Variants in NEBL observed in about 807,000 individuals in gnomAD.
NEBL encodes the protein LIM and SH3 protein 2.
In NEBL, 122 loss-of-function variants were observed where a neutral mutation model predicts 140.2. That is an observed-to-expected ratio of 0.87 (90% CI 0.75 to 1.01). NEBL has a LOEUF of 1.01. Ranked by LOEUF, NEBL falls within the 50% of genes least tolerant of loss-of-function variation. NEBL has a pLI of 0.00. For synonymous variants in NEBL, 436 were observed against 398.9 expected, an observed-to-expected ratio of 1.09 and a Z score of -1.11; for missense variants, 1,365 against 1,231.3, an observed-to-expected ratio of 1.11 and a Z score of -1.62.
At position 21,215,194 on chromosome 10, in the gene NEBL, C is replaced by T. The variant is rs527836667; in HGVS notation, n.348+32727G>A. Among the ~76,000 whole-genome samples, 20 of 152,326 alleles carry T rather than the reference C, an allele frequency of 1.3e-4. No individual in the cohort carries two copies. In the South Asian group the frequency reaches 2.3e-3, roughly 17 times the overall value. On this transcript the variant is annotated intron_variant and non_coding_transcript_variant, in intron 3 of 8. Transcript: ENST00000675702. The stretch of plus-strand genomic sequence containing the variant: ...ATGTGGTGGCACGCACCTGCAGTCC[C>T]AGCTACTCAGGAGGTAGGGCAGGAG...
chr10:21,120,407 T>TAC (rs1564518089), intron 2 of NEBL, among the ~76,000 whole-genome samples: 1 of 124,526 alleles, frequency 8.0e-6, no homozygotes, highest in Non-Finnish European at 1.6e-5. Flanking sequence ...TATATATATA[T>TAC]ATATATATAT....
At chr10:21,239,947 C>A (rs1842416435) in intron 3 of NEBL, among the ~76,000 whole-genome samples, 1 of 151,088 alleles carries the variant, frequency 6.6e-6, no homozygotes, top group African/African-American at 2.4e-5. Context: ...ACCCGGGAGG[C>A]AGAGCTTGCA....
intron 4 of NEBL, among the ~76,000 whole-genome samples, chr10:20,881,316 T>C (rs752009962): frequency 2.0e-5 from 3 of 152,244 alleles, no homozygotes; most frequent in Admixed American, 6.5e-5. Flanking sequence ...TGATTTTATG[T>C]AGGCACAGCT....
chr10:20,782,844 T>C lies in NEBL; in HGVS notation c.*2903A>G, dbSNP rs1229514307. 6.6e-6 allele frequency: 1 copy of C among 152,632 alleles called. No homozygotes were observed. Among genetic ancestry groups the C allele is most frequent in the East Asian group, 1.9e-4 (1 of 5,198 alleles). 9.5% of individuals were successfully genotyped at this position (152,632 alleles called of 1,614,324 possible). A position where few individuals can be genotyped will look rare whatever the true frequency, so the allele number is the denominator to read the frequency against. ...AAGCTTTCTAGAGAACAAGAATTAT[T>C]AGTAAAAACATGTACTACAAAAGCT... On this transcript the variant is annotated 3_prime_UTR_variant, in exon 28 of 28. Coordinates refer to ENST00000377122, the MANE Select transcript of NEBL (RefSeq NM_006393.3).
At chr10:21,226,676 C>G (rs970622822) in intron 3 of NEBL, among the ~76,000 whole-genome samples, 1 of 152,112 alleles carries the variant, frequency 6.6e-6, no homozygotes, top group Admixed American at 6.5e-5. Flanking sequence ...ATACCAAATC[C>G]CACAATCACT....
At chr10:21,120,391 T>TAC (rs1391120887) in intron 2 of NEBL, among the ~76,000 whole-genome samples, 1 of 95,718 alleles carries the variant, frequency 1.0e-5, no homozygotes, top group Non-Finnish European at 2.0e-5. Context: ...AAAAAAAAAA[T>TAC]ACATATATAT....
intron 4 of NEBL, among the ~76,000 whole-genome samples, chr10:20,903,192 A>G (rs1051791494): frequency 2.6e-5 from 4 of 152,220 alleles, no homozygotes; most frequent in Non-Finnish European, 4.4e-5. Flanking sequence ...TTTAATTTAT[A>G]AACTAGGATA....
At chr10:20,807,472 T>A (rs1463963611) in intron 26 of NEBL, among the ~76,000 whole-genome samples, 1 of 152,226 alleles carries the variant, frequency 6.6e-6, no homozygotes, top group Non-Finnish European at 1.5e-5. Flanking sequence ...TTTAATAAAT[T>A]TCTACCAAAA....
intron 2 of NEBL, among the ~76,000 whole-genome samples, chr10:21,150,709 C>T (rs1010739326): frequency 5.9e-5 from 9 of 152,320 alleles, no homozygotes; most frequent in East Asian, 1.9e-4. Context: ...ATTCTTTGCA[C>T]ACCTTCTGTA....
At chr10:20,803,812 A>AAAAAATATAT (rs1554773359) in intron 26 of NEBL, among the ~76,000 whole-genome samples, 10 of 143,562 alleles carry the variant, frequency 7.0e-5, no homozygotes, top group Non-Finnish European at 9.2e-5. Context: ...CTGTACGAAA[A>AAAAAATATAT]ATATATATAT....
chr10:21,050,469 C>T (rs1325908398), intron 2 of NEBL, among the ~76,000 whole-genome samples: 1 of 152,148 alleles, frequency 6.6e-6, no homozygotes, highest in African/African-American at 2.4e-5. Flanking sequence ...CTCTAAATGG[C>T]CTTCCCTCTC....
intron 4 of NEBL, among the ~76,000 whole-genome samples, chr10:20,913,028 C>T (rs1357081871): frequency 6.6e-6 from 1 of 151,896 alleles, no homozygotes; most frequent in Non-Finnish European, 1.5e-5. Flanking sequence ...TCCCAAAGTA[C>T]TCATATTACA....
At position 20,808,662 on chromosome 10, in the gene NEBL, A is replaced by G; in HGVS notation, c.2612-3T>C. On this transcript the variant is annotated splice_polypyrimidine_tract_variant and splice_region_variant and intron_variant, in intron 25 of 27. Transcript: ENST00000377122. ...TCGCCTATAGTGACTCGCCTTTTCT[A>G]TATTGGAGGGAAAATATTTACACGT... is the stretch of plus-strand genomic sequence containing the variant. The G allele has an allele frequency of 6.2e-7, 1 of 1,611,488 alleles. No homozygotes were observed. The highest frequency in any genetic ancestry group is 1.1e-5 in the South Asian group (1 of 90,990).
chr10:21,259,616 T>C (rs1022119317), intron 1 of NEBL, among the ~76,000 whole-genome samples: 8 of 152,230 alleles, frequency 5.3e-5, no homozygotes, highest in Admixed American at 4.6e-4. Flanking sequence ...CACCTCAACT[T>C]TCCTTTGAGG....
chr10:20,955,185 T>A (rs1349190881), intron 4 of NEBL, among the ~76,000 whole-genome samples: 2 of 152,184 alleles, frequency 1.3e-5, no homozygotes, highest in Admixed American at 1.3e-4. Context: ...AAGCACCATC[T>A]GGTGCATTCT....
At chr10:20,797,751 A>G (rs1229973703) in intron 26 of NEBL, among the ~76,000 whole-genome samples, 1 of 152,160 alleles carries the variant, frequency 6.6e-6, no homozygotes, top group Non-Finnish European at 1.5e-5. Context: ...CAGACAGAAC[A>G]GTAGACAAGT....
intron 7 of NEBL, among the ~76,000 whole-genome samples, chr10:20,865,184 T>C (rs1354698603): frequency 1.3e-5 from 2 of 152,198 alleles, no homozygotes; most frequent in East Asian, 3.8e-4. Flanking sequence ...TTCATATTCC[T>C]TCTCCACTCT....
rs117870370 is a variant in NEBL, at chr10:21,110,208, A to G, written c.164+62175T>C. On this transcript the variant is annotated intron_variant, in intron 2 of 6. Coordinates refer to the NEBL transcript ENST00000417816. Reference sequence around the variant, plus strand: ...TCATGCTGGCCTTGTGCCCACTTCTATTTACTGAAAGAGTCTGTAGAATTG... The same window carrying G: ...TCATGCTGGCCTTGTGCCCACTTCTGTTTACTGAAAGAGTCTGTAGAATTG... Among the ~76,000 whole-genome samples, 225 of 152,206 alleles carry G rather than the reference A, an allele frequency of 1.5e-3. 6 individuals carry two copies. The East Asian group carries it at 0.031, about 21-fold the overall frequency.
Position 20,868,648 on chromosome 10 carries a change from A to G in NEBL, c.684+16T>C. The G allele has an allele frequency of 6.5e-7, 1 of 1,526,724 alleles. No homozygotes were observed. Among genetic ancestry groups the G allele is most frequent in the Non-Finnish European group, 9.1e-7 (1 of 1,100,568 alleles). 94.6% of individuals were successfully genotyped at this position (1,526,724 alleles called of 1,614,324 possible). On this transcript the variant is annotated intron_variant, in intron 7 of 27. Coordinates refer to ENST00000377122, the MANE Select transcript of NEBL (RefSeq NM_006393.3). ...ATCTGAATAAAGTCATTGTGGAATC[A>G]TCACTAAAGCCTTACTTGACTAGAA...
Sources: allele counts gnomAD v4.1 joint callset (sites outside exome capture counted in the v4.1 genomes callset), GRCh38; gene constraint gnomAD v4.1.1; transcripts MANE v1.5; gene names NCBI Gene and HGNC (gene_info 2026-07-23, HGNC 2026-07-21).